DGKG: variants seen among roughly 807,000 people sequenced by gnomAD.
DGKG encodes the protein diacylglycerol kinase gamma.
Under a neutral mutation model 105.3 loss-of-function variants are expected in DGKG, and 78 were observed. That is an observed-to-expected ratio of 0.74 (90% CI 0.62 to 0.89). DGKG has a LOEUF of 0.89. Ranked by LOEUF, DGKG falls within the 40% of genes least tolerant of loss-of-function variation. The probability of loss-of-function intolerance (pLI) is 0.00; values close to 1 mark genes in which losing one functional copy is unlikely to be tolerated. For missense variants in DGKG, 958 were observed against 1,020.1 expected, an observed-to-expected ratio of 0.94 and a Z score of 0.83; for synonymous variants, 346 against 367.1, an observed-to-expected ratio of 0.94 and a Z score of 0.66.
At chr3:186,305,364 A>G (rs1055931931) in intron 3 of DGKG, among the ~76,000 whole-genome samples, 2 of 152,238 alleles carry the variant, frequency 1.3e-5, no homozygotes, top group Non-Finnish European at 2.9e-5. Flanking sequence ...CAGCAAGCAC[A>G]ATGGTGCTGA....
intron 22 of DGKG, among the ~76,000 whole-genome samples, chr3:186,168,871 C>T (rs536430645): frequency 6.6e-6 from 1 of 152,096 alleles, no homozygotes; most frequent in South Asian, 2.1e-4. Flanking sequence ...ACAAACAAAA[C>T]ACCAAGTGCT....
At chr3:186,167,438 A>C (rs564396223) in intron 22 of DGKG, among the ~76,000 whole-genome samples, 4 of 152,188 alleles carry the variant, frequency 2.6e-5, no homozygotes, top group African/African-American at 9.6e-5. Flanking sequence ...TAAACAACCC[A>C]CCGCTTCCAT....
rs775193444 is a variant in DGKG, at chr3:186,253,067, G to A, written c.1600+26C>T. Reference sequence around the variant, plus strand: ...GTAAACAGGAACACCTGTTCCCAGGGTACCACCATTAGCATGCAAACTCAC... The same window carrying A: ...GTAAACAGGAACACCTGTTCCCAGGATACCACCATTAGCATGCAAACTCAC... On this transcript the variant is annotated intron_variant, in intron 18 of 24. Transcript: ENST00000265022. The A allele has an allele frequency of 3.1e-6, 5 of 1,604,722 alleles. No homozygotes were observed. In the Admixed American group the frequency reaches 5.0e-5, roughly 16 times the overall value.
chr3:186,226,006 T>C lies in DGKG; in HGVS notation c.1827-14121A>G, dbSNP rs1719843673. Among the ~76,000 whole-genome samples, 1 of 152,196 alleles carries C rather than the reference T, an allele frequency of 6.6e-6. No individual in the cohort carries two copies. The highest frequency in any genetic ancestry group is 6.5e-5 in the Admixed American group (1 of 15,280). ...AAATATCATCCAAATCTACCTCTTC[T>C]GGGAAATAATATTGCAGTTGCTCTG... On this transcript the variant is annotated intron_variant, in intron 20 of 24. Coordinates refer to ENST00000265022, the MANE Select transcript of DGKG (RefSeq NM_001346.3). This position sits in a 1 kb window ranked among gnomAD's most constrained non-coding sequence, Gnocchi z 4.2.
At chr3:186,238,317 A>G (rs973270353) in intron 20 of DGKG, among the ~76,000 whole-genome samples, 1 of 140,194 alleles carries the variant, frequency 7.1e-6, no homozygotes, top group Admixed American at 7.3e-5. Context: ...AAAAAAAAAG[A>G]CCAAAAACAT....
rs1241850596 is a variant in DGKG at position 186,242,523 on chromosome 3, G to A, written c.1807C>T (p.Pro603Ser). 1 of 1,613,666 alleles carries A rather than the reference G, an allele frequency of 6.2e-7. No homozygotes were observed. The highest frequency in any genetic ancestry group is 8.5e-7 in the Non-Finnish European group (1 of 1,179,732). The part of the protein sequence containing the change: ...HRFHVMREKH[P>S]EKFNSRMKNK... ...GCTTACCTGCTGTTGAATTTTTCAG[G>A]ATGTTTCTCTCTCATCACATGGAAT... The change falls in exon 20 of 25, where the codon CCT (proline) becomes TCT (serine). Residue 603 changes from proline (P) to serine (S), a missense_variant. Physicochemically the swap from Pro to Ser is moderately conservative, Grantham distance 74. This residue lies in a region of DGKG where 315 missense variants were observed against 400.6 expected (regional missense o/e 0.79). Transcript: ENST00000265022.
Position 186,284,133 on chromosome 3 carries a change from G to A in DGKG, c.594+527C>T, listed in dbSNP as rs1722951250. ...CATGTACTTAGAGCAGACAGAACCAGACTCCTAGGCTAGTGCCCTGGAGTA... is the reference window on the plus strand; with the variant it reads ...CATGTACTTAGAGCAGACAGAACCAAACTCCTAGGCTAGTGCCCTGGAGTA... On this transcript the variant is annotated intron_variant, in intron 7 of 24. Transcript: ENST00000265022. This position sits in a 1 kb window ranked among gnomAD's most constrained non-coding sequence, Gnocchi z 4.0. Among the ~76,000 whole-genome samples, 1 of 152,176 alleles carries A rather than the reference G, an allele frequency of 6.6e-6. No individual in the cohort carries two copies. The highest frequency in any genetic ancestry group is 2.4e-5 in the African/African-American group (1 of 41,434).
At chr3:186,207,064 T>TA (rs1398035174) in intron 21 of DGKG, among the ~76,000 whole-genome samples, 1 of 152,142 alleles carries the variant, frequency 6.6e-6, no homozygotes, top group East Asian at 1.9e-4. Context: ...GCTGGCTTCT[T>TA]AATTAGGGCC....
chr3:186,149,744 G>T lies in DGKG; in HGVS notation c.*346C>A, dbSNP rs1394358505. 3 of 1,042,018 alleles carry T rather than the reference G, an allele frequency of 2.9e-6. No homozygotes were observed. The highest frequency in any genetic ancestry group is 1.7e-5 in the African/African-American group (1 of 58,644). The allele number at this position is 1,042,018 out of a possible 1,614,324, so 64.5% of individuals were successfully genotyped here. A position where few individuals can be genotyped will look rare whatever the true frequency, so the allele number is the denominator to read the frequency against. On this transcript the variant is annotated 3_prime_UTR_variant, in exon 25 of 25. Coordinates refer to ENST00000265022, the MANE Select transcript of DGKG (RefSeq NM_001346.3). Reference sequence around the variant, plus strand: ...CGAGCGTCCATGAGGAAACTTGCAGGGCTGGTAGAAAGAAAGGGGGATTTC... The same window carrying T: ...CGAGCGTCCATGAGGAAACTTGCAGTGCTGGTAGAAAGAAAGGGGGATTTC...
At chr3:186,318,030 T>C (rs557108856) in intron 2 of DGKG, among the ~76,000 whole-genome samples, 3 of 152,298 alleles carry the variant, frequency 2.0e-5, no homozygotes, top group South Asian at 4.1e-4. Context: ...TCCACCACAG[T>C]TTCCCACGAA....
At chr3:186,282,845 T>C (rs1481791897) in intron 7 of DGKG, among the ~76,000 whole-genome samples, 1 of 152,016 alleles carries the variant, frequency 6.6e-6, no homozygotes, top group Non-Finnish European at 1.5e-5. Flanking sequence ...CATAAGTCAA[T>C]CACATCACTC....
intron 23 of DGKG, among the ~76,000 whole-genome samples, chr3:186,164,078 A>G (rs958599422): frequency 1.3e-4 from 20 of 152,172 alleles, no homozygotes; most frequent in African/African-American, 4.6e-4. Context: ...AGTTTCTTCC[A>G]ATGTGCTCTG....
At chr3:186,269,010 G>T (rs935489478) in intron 11 of DGKG, 93 bp from the exon 12 acceptor site, 12 of 855,064 alleles carry the variant, frequency 1.4e-5, no homozygotes, top group Admixed American at 1.9e-5. Context: ...AGGGGACGCG[G>T]GGGAGCCAGA....
chr3:186,289,012 T>C lies in DGKG; in HGVS notation c.374-132A>G. ...AGTGTCTTCAAAAGCTTTGGTTACA[T>C]AGATGTGACCAAATTAGTGGCCCTA... On this transcript the variant is annotated intron_variant, in intron 5 of 24. Coordinates refer to ENST00000265022, the MANE Select transcript of DGKG (RefSeq NM_001346.3). 4.7e-6 allele frequency: 4 copies of C among 849,402 alleles called. No individual in the cohort carries two copies. The South Asian group carries it at 5.6e-5, about 12-fold the overall frequency. 52.6% of individuals were successfully genotyped at this position (849,402 alleles called of 1,614,324 possible).
Position 186,251,769 on chromosome 3 carries a change from G to T in DGKG, c.1751C>A (p.Ser584Tyr). The T allele has an allele frequency of 7.4e-6, 12 of 1,614,126 alleles. No homozygotes were observed. Among genetic ancestry groups the T allele is most frequent in the Non-Finnish European group, 1.0e-5 (12 of 1,179,992 alleles). ...CTTTGACCAACTCACCACACCAATG[G>T]AGAAATAGTTGTTCATGATGCTGTA... ...VPYSIMNNYFSIGVDASIAHR... is the reference protein window; with the variant it reads ...VPYSIMNNYFYIGVDASIAHR... Residue 584 changes from serine (S) to tyrosine (Y), a missense_variant, in exon 19 of 25, where the codon TCC becomes TAC. By Grantham distance (144) the Ser-to-Tyr change is moderately radical. This residue lies in a region of DGKG where 315 missense variants were observed against 400.6 expected (regional missense o/e 0.79). Transcript: ENST00000265022.
chr3:186,280,567 T>C, intron 8 of DGKG, 103 bp downstream of exon 8: 1 of 871,798 alleles, frequency 1.1e-6, no homozygotes, highest in Non-Finnish European at 1.8e-6. Flanking sequence ...AGAAGATGAG[T>C]CTGGGAGCAC....
intron 16 of DGKG, among the ~76,000 whole-genome samples, chr3:186,259,646 G>A (rs947582463): frequency 1.3e-5 from 2 of 152,112 alleles, no homozygotes; most frequent in East Asian, 1.9e-4. Flanking sequence ...TTGGGCAAAT[G>A]GCTGCGTGCT....
chr3:186,218,254 C>T (rs1407414027), intron 20 of DGKG, among the ~76,000 whole-genome samples: 2 of 152,052 alleles, frequency 1.3e-5, no homozygotes, highest in Non-Finnish European at 1.5e-5. Context: ...CCTGTAATCC[C>T]AGCACTTTGG....
At chr3:186,256,841 C>G (rs978133392) in intron 17 of DGKG, among the ~76,000 whole-genome samples, 2 of 152,220 alleles carry the variant, frequency 1.3e-5, no homozygotes, top group African/African-American at 2.4e-5. Context: ...GATCTCCATG[C>G]CAATGTTGTC....
Sources: gnomAD v4.1 joint callset for allele counts (sites outside exome capture counted in the v4.1 genomes callset) on GRCh38, gnomAD v4.1.1 for gene constraint, gnomAD v4.1.1 regional missense constraint, Gnocchi (gnomAD v3.1) non-coding constraint, MANE v1.5 for transcripts, NCBI Gene and HGNC (gene_info 2026-07-23, HGNC 2026-07-21) for gene names.